HECW2: variants seen among roughly 807,000 people sequenced by gnomAD.
HECW2 encodes the protein HECT, C2 and WW domain containing E3 ubiquitin protein ligase 2, also known as E3 ubiquitin-protein ligase HECW2.
Under a neutral mutation model 175.2 loss-of-function variants are expected in HECW2, and 61 were observed. The observed-to-expected ratio is 0.35, with a 90% CI of 0.28 to 0.43. The LOEUF (loss-of-function observed/expected upper bound fraction) is 0.43, where lower values mean the gene tolerates loss of function less well. Ranked by LOEUF, HECW2 falls within the 20% of genes least tolerant of loss-of-function variation. The pLI is 1.00. For missense variants in HECW2, 1,524 were observed against 2,000.5 expected, an observed-to-expected ratio of 0.76 and a Z score of 4.54; for synonymous variants, 671 against 731.0, an observed-to-expected ratio of 0.92 and a Z score of 1.32.
rs751709955 is a variant in HECW2, at chr2:196,319,656, G to A, written c.1234C>T (p.Arg412Cys). The A allele has an allele frequency of 6.2e-6, 10 of 1,614,208 alleles. No homozygotes were observed. Among genetic ancestry groups the A allele is most frequent in the South Asian group, 5.5e-5 (5 of 91,084 alleles). ...TSSRTSPPRG[R>C]QDSLNDYLDA... ...AAGTAATCATTGAGTGAATCCTGACGTCCTCTGGGAGGTGAGGTCCTTGAA... is the reference window on the plus strand; with the variant it reads ...AAGTAATCATTGAGTGAATCCTGACATCCTCTGGGAGGTGAGGTCCTTGAA... The change falls in exon 9 of 29, where the codon CGT becomes TGT. Residue 412 changes from arginine to cysteine, a missense_variant. This residue lies in a region of HECW2 where 604 missense variants were observed against 588.3 expected (regional missense o/e 1.03). Transcript: ENST00000644978.
At chr2:196,294,113 C>A (rs1164823408) in intron 13 of HECW2, among the ~76,000 whole-genome samples, 1 of 152,170 alleles carries the variant, frequency 6.6e-6, no homozygotes, top group Non-Finnish European at 1.5e-5. Flanking sequence ...TATACCACCA[C>A]ACAGAAAAGT....
intron 17 of HECW2, among the ~76,000 whole-genome samples, chr2:196,265,437 A>C (rs1478737178): frequency 6.6e-6 from 1 of 152,134 alleles, no homozygotes; most frequent in Non-Finnish European, 1.5e-5. Context: ...GTGAGCCGAG[A>C]TTGTGCCCAC....
intron 21 of HECW2, among the ~76,000 whole-genome samples, chr2:196,230,335 A>G (rs7604053): frequency 0.97 from 148,419 of 152,344 alleles, 72,432 homozygotes; most frequent in East Asian, 1. Context: ...CCACTTGAAC[A>G]TTCTTTACAT....
chr2:196,459,918 G>A (rs7572306), intron 1 of HECW2, among the ~76,000 whole-genome samples: 94,331 of 152,072 alleles, frequency 0.62, 33,275 homozygotes, highest in East Asian at 0.89. Flanking sequence ...CTGTGCATGC[G>A]CATGTTTCTC....
chr2:196,208,722 A>G (rs1335132920), intron 28 of HECW2, among the ~76,000 whole-genome samples: 17 of 152,178 alleles, frequency 1.1e-4, no homozygotes, highest in Non-Finnish European at 2.5e-4. Flanking sequence ...TTGAAGCATA[A>G]TTGAGTTTGG....
At chr2:196,221,128 G>A (rs1044162286) in intron 24 of HECW2, among the ~76,000 whole-genome samples, 187 bp from the exon 25 acceptor site, 10 of 152,144 alleles carry the variant, frequency 6.6e-5, no homozygotes, top group African/African-American at 2.4e-4. Context: ...AGGCATTGAG[G>A]GGGTGCTTGA....
intron 3 of HECW2, among the ~76,000 whole-genome samples, chr2:196,341,287 C>G (rs1333067581): frequency 1.3e-5 from 2 of 151,708 alleles, no homozygotes; most frequent in African/African-American, 4.9e-5. Flanking sequence ...GTGATTTTGC[C>G]AAAATCACTC....
chr2:196,222,480 C>A, intron 23 of HECW2, 140 bp from the exon 24 acceptor site: 2 of 722,792 alleles, frequency 2.8e-6, no homozygotes, highest in East Asian at 2.8e-5. Context: ...GTTCTTAGTC[C>A]AAGTCCAGTA....
At chr2:196,354,738 C>T (rs1041380182) in intron 2 of HECW2, among the ~76,000 whole-genome samples, 2 of 151,722 alleles carry the variant, frequency 1.3e-5, no homozygotes, top group African/African-American at 4.9e-5. Flanking sequence ...TTCCACAAAA[C>T]CAGCTTAAAC....
At chr2:196,357,033 A>G (rs941560356) in intron 2 of HECW2, among the ~76,000 whole-genome samples, 1 of 152,182 alleles carries the variant, frequency 6.6e-6, no homozygotes, top group Non-Finnish European at 1.5e-5. Context: ...AGGATAATGG[A>G]AAGTCATTAA....
chr2:196,555,320 G>A (rs1689756669), intron 1 of HECW2, among the ~76,000 whole-genome samples: 1 of 152,098 alleles, frequency 6.6e-6, no homozygotes, highest in East Asian at 1.9e-4. Context: ...TTCTTGCTGG[G>A]TCCTTATGTG....
chr2:196,459,423 T>C (rs577545627), intron 1 of HECW2, among the ~76,000 whole-genome samples: 1 of 152,250 alleles, frequency 6.6e-6, no homozygotes, highest in Admixed American at 6.5e-5. Context: ...AAAATTAGGT[T>C]GTATAGATAC....
rs551494276 is a variant in HECW2 at position 196,321,591 on chromosome 2, G to C, written c.884+887C>G. On this transcript the variant is annotated intron_variant, in intron 7 of 28. Transcript: ENST00000644978. The stretch of plus-strand genomic sequence containing the variant: ...TTTTTTGTATTTTTAGTAGAGACAG[G>C]GTTTCACTATGTTGGCCAGGCTGGT... Among the ~76,000 whole-genome samples, 16 of 151,970 alleles carry C rather than the reference G, an allele frequency of 1.1e-4. No individual in the cohort carries two copies. In the South Asian group the frequency reaches 3.1e-3, roughly 30 times the overall value.
intron 14 of HECW2, among the ~76,000 whole-genome samples, chr2:196,284,163 G>A (rs1397928473): frequency 6.6e-6 from 1 of 152,126 alleles, no homozygotes; most frequent in Admixed American, 6.5e-5. Flanking sequence ...CACTCACAGT[G>A]CTTGGCCTCA....
chr2:196,349,769 T>C (rs560188358), intron 2 of HECW2, among the ~76,000 whole-genome samples: 11 of 152,278 alleles, frequency 7.2e-5, no homozygotes, highest in East Asian at 1.9e-4. Context: ...AGAGTAGAAA[T>C]AGAAGATTAC....
Position 196,319,454 on chromosome 2 carries a change from G to T in HECW2, c.1436C>A (p.Pro479Gln), listed in dbSNP as rs1313031383. The T allele has an allele frequency of 1.2e-6, 2 of 1,613,882 alleles. No individual in the cohort carries two copies. The highest frequency in any genetic ancestry group is 2.7e-5 in the African/African-American group (2 of 74,934). ...GCCTCCCTCCTCCTCCAAGGAAGAT[G>T]GGTAACCCAGGTCTTGCTGGAACTC... ...DHEFQQDLGY[P>Q]SSLEEEGGLI... Residue 479 changes from proline to glutamine, a missense_variant, in exon 9 of 29, where the codon CCA (proline) becomes CAA (glutamine). Coordinates refer to ENST00000644978, the MANE Select transcript of HECW2 (RefSeq NM_001348768.2).
chr2:196,581,635 T>A (rs1690788529), intron 1 of HECW2, among the ~76,000 whole-genome samples: 7 of 152,234 alleles, frequency 4.6e-5, no homozygotes, highest in Admixed American at 4.6e-4. Context: ...AAAGCTGTTT[T>A]TTAAAATTTA....
intron 28 of HECW2, among the ~76,000 whole-genome samples, chr2:196,214,406 A>C (rs764934157): frequency 4.6e-5 from 7 of 152,254 alleles, no homozygotes; most frequent in Non-Finnish European, 7.3e-5. Context: ...AGATTTCAAC[A>C]AAAAGCTGAC....
At chr2:196,309,064 G>C (rs998407014) in intron 10 of HECW2, among the ~76,000 whole-genome samples, 10 of 152,152 alleles carry the variant, frequency 6.6e-5, no homozygotes, top group African/African-American at 2.2e-4. Context: ...GTGATCACAT[G>C]CTTATCAACA....
Sources: allele counts gnomAD v4.1 joint callset (sites outside exome capture counted in the v4.1 genomes callset), GRCh38; gene constraint gnomAD v4.1.1; regional missense constraint gnomAD v4.1.1; transcripts MANE v1.5; gene names NCBI Gene and HGNC (gene_info 2026-07-23, HGNC 2026-07-21).